Variants in HPS4 observed in about 807,000 individuals in gnomAD.
HPS4 encodes the protein BLOC-3 complex member HPS4.
A neutral mutation model predicts 70.3 loss-of-function variants in HPS4; 44 were observed. That is an observed-to-expected ratio of 0.63 (90% confidence interval 0.49 to 0.80). HPS4 has a LOEUF of 0.80. Ranked by LOEUF, HPS4 falls within the 30% of genes least tolerant of loss-of-function variation. HPS4 has a pLI of 0.00. For synonymous variants in HPS4, 377 were observed against 355.9 expected, an observed-to-expected ratio of 1.06 and a Z score of -0.67; for missense variants, 873 against 884.4, an observed-to-expected ratio of 0.99 and a Z score of 0.16.
downstream of HPS4, among the ~76,000 whole-genome samples, chr22:26,449,323 ATTTT>A (rs35895945): frequency 0.026 from 2,183 of 83,226 alleles, 11 homozygotes; most frequent in Middle Eastern, 0.098. Flanking sequence ...ACTCCCCTGC[ATTTT>A]TTTTTTTTTT....
At position 26,477,014 on chromosome 22, in the gene HPS4, T is replaced by G. The variant is rs2090639512; in HGVS notation, c.255A>C (p.Lys85Asn). 1.9e-6 allele frequency: 3 copies of G among 1,614,058 alleles called. No homozygotes were observed. The highest frequency in any genetic ancestry group is 2.5e-6 in the Non-Finnish European group (3 of 1,180,016). ...VRLRKLKFAIKVDGDYLWVLG... is the reference protein window; with the variant it reads ...VRLRKLKFAINVDGDYLWVLG... ...TTACCCAAAGGTAATCTCCATCAAC[T>G]TTTATGGCAAACTTCAGTTTTCTCA... Residue 85 changes from lysine (K) to asparagine (N), a missense_variant, in exon 4 of 14, where the codon AAA (lysine) becomes AAC (asparagine). Physicochemically the swap from Lys to Asn is moderately conservative, Grantham distance 94. Transcript: ENST00000398145.
At chr22:26,446,027 G>A (rs1047720074), downstream of HPS4, among the ~76,000 whole-genome samples, 11 of 152,186 alleles carry the variant, frequency 7.2e-5, no homozygotes, top group Non-Finnish European at 1.2e-4. Flanking sequence ...AGGGAAGAGC[G>A]CCACTCACCT....
chr22:26,461,650 G>A (rs777797871), intron 11 of HPS4, among the ~76,000 whole-genome samples: 9 of 152,146 alleles, frequency 5.9e-5, no homozygotes, highest in Non-Finnish European at 8.8e-5. Flanking sequence ...GGGGTATTTG[G>A]TTTTTCTAGA....
At chr22:26,466,696 G>A (rs2088690290) in intron 8 of HPS4, 3 of 245,342 alleles carry the variant, frequency 1.2e-5, no homozygotes, top group Non-Finnish European at 2.5e-5. Flanking sequence ...TGACTCTCAC[G>A]ATAAAGGATT....
At chr22:26,448,225 C>G (rs1373587200), downstream of HPS4, among the ~76,000 whole-genome samples, 4 of 152,222 alleles carry the variant, frequency 2.6e-5, no homozygotes, top group Non-Finnish European at 5.9e-5. Context: ...TCAGAACACT[C>G]AACAGGACCC....
chr22:26,453,052 C>T lies in HPS4; in HGVS notation c.*181G>A. 1.5e-6 allele frequency: 1 copy of T among 666,774 alleles called. No individual in the cohort carries two copies. The highest frequency in any genetic ancestry group is 2.6e-6 in the Non-Finnish European group (1 of 390,164). The allele number at this position is 666,774 out of a possible 1,614,324, so 41.3% of individuals were successfully genotyped here. On this transcript the variant is annotated 3_prime_UTR_variant, in exon 14 of 14. Transcript: ENST00000398145. ...GCTCTGGGTCTGCCGACCTGAAGAA[C>T]TAACCCCTGCCCCCAAAACACATCC...
chr22:26,453,484 T>C, intron 13 of HPS4, 80 bp from the exon 14 acceptor site: 1 of 1,504,794 alleles, frequency 6.6e-7, no homozygotes, highest in Non-Finnish European at 9.2e-7. Context: ...AGTAAGGTTC[T>C]TGTCACAGAG....
At chr22:26,443,657 G>C (rs2084877513), downstream of HPS4, 1 of 151,496 alleles carries the variant, frequency 6.6e-6, no homozygotes, top group African/African-American at 2.4e-5. Flanking sequence ...GCAAACCAGA[G>C]AGCTAGAGAA....
intron 4 of HPS4, chr22:26,476,685 A>C (rs555788892): frequency 8.4e-6 from 3 of 358,322 alleles, no homozygotes; most frequent in African/African-American, 6.3e-5. Flanking sequence ...AGCATGGAGA[A>C]GAAAAGATGA....
Position 26,455,476 on chromosome 22 carries a change from G to GC in HPS4, c.1956-2073dup, listed in dbSNP as rs1329161490. Among the ~76,000 whole-genome samples, 3 of 150,240 alleles carry GC rather than the reference G, an allele frequency of 2.0e-5. No individual in the cohort carries two copies. The East Asian group carries it at 5.9e-4, about 30-fold the overall frequency. On this transcript the variant is annotated intron_variant, in intron 13 of 13. Coordinates refer to ENST00000398145, the MANE Select transcript of HPS4 (RefSeq NM_022081.6). ...AAACCATCATTCTCAGCAAACTATT[G>GC]CAAGGACAAAAAACCAAACACCACA...
At chr22:26,443,153 G>A (rs556033981), downstream of HPS4, 12 of 1,614,142 alleles carry the variant, frequency 7.4e-6, no homozygotes, top group Middle Eastern at 1.6e-4. Context: ...GCATCCAAAC[G>A]TCGCAGCGGC....
At chr22:26,461,924 C>T (rs1037115556) in intron 11 of HPS4, among the ~76,000 whole-genome samples, 3 of 152,108 alleles carry the variant, frequency 2.0e-5, no homozygotes, top group African/African-American at 7.2e-5. Context: ...GTCAGGAGTT[C>T]GAGACCAGCC....
intron 11 of HPS4, 142 bp downstream of exon 11, chr22:26,463,775 A>G: frequency 1.1e-6 from 1 of 885,270 alleles, no homozygotes; most frequent in Non-Finnish European, 1.8e-6. Context: ...TCCATCGTCT[A>G]AACAAGAACG....
chr22:26,463,394 C>A (rs929988945), intron 11 of HPS4, among the ~76,000 whole-genome samples: 1 of 152,222 alleles, frequency 6.6e-6, no homozygotes, highest in South Asian at 2.1e-4. Context: ...CCAGCTGACA[C>A]AGAACCTAGA....
Position 26,481,833 on chromosome 22 carries a change from G to A in HPS4, c.-71C>T, listed in dbSNP as rs578089748. On this transcript the variant is annotated 5_prime_UTR_variant, in exon 2 of 14. Transcript: ENST00000398145. Reference sequence around the variant, plus strand: ...CGGTATCACTTCTTTCTCCCTAGCTGTGACCGTTCCTCTATCCCCCAATCC... The same window carrying A: ...CGGTATCACTTCTTTCTCCCTAGCTATGACCGTTCCTCTATCCCCCAATCC... 1.7e-5 allele frequency: 25 copies of A among 1,461,856 alleles called. No homozygotes were observed. The African/African-American group carries it at 2.6e-4, about 15-fold the overall frequency. The allele number at this position is 1,461,856 out of a possible 1,614,324, so 90.6% of individuals were successfully genotyped here.
chr22:26,470,023 A>G (rs954762750), intron 7 of HPS4, among the ~76,000 whole-genome samples: 4 of 152,274 alleles, frequency 2.6e-5, no homozygotes, highest in African/African-American at 9.6e-5. Context: ...GTCTGGCCCA[A>G]GGGCCCCTGC....
chr22:26,471,118 A>T, intron 6 of HPS4: 1 of 465,488 alleles, frequency 2.1e-6, no homozygotes, highest in Non-Finnish European at 4.0e-6. Context: ...TGGGAGACCG[A>T]CTGTCTACCC....
chr22:26,453,585 C>G, intron 13 of HPS4, 181 bp from the exon 14 acceptor site: 1 of 671,632 alleles, frequency 1.5e-6, no homozygotes. Context: ...CCAATACCAT[C>G]TTTCCTTCCT....
chr22:26,452,119 T>C lies in HPS4; in HGVS notation c.*1114A>G. ...AGAACTCCAGCATTTTTTGGCTATTTTATTTCTAGCCCTTGGAAGCTTGTT... is the reference window on the plus strand; with the variant it reads ...AGAACTCCAGCATTTTTTGGCTATTCTATTTCTAGCCCTTGGAAGCTTGTT... On this transcript the variant is annotated 3_prime_UTR_variant, in exon 14 of 14. Coordinates refer to ENST00000398145, the MANE Select transcript of HPS4 (RefSeq NM_022081.6). 1 of 342,864 alleles carries C rather than the reference T, an allele frequency of 2.9e-6. No individual in the cohort carries two copies. The highest frequency in any genetic ancestry group is 5.7e-6 in the Non-Finnish European group (1 of 175,586). The allele number at this position is 342,864 out of a possible 1,614,324, so 21.2% of individuals were successfully genotyped here. A position where few individuals can be genotyped will look rare whatever the true frequency, so the allele number is the denominator to read the frequency against.
Sources: allele counts gnomAD v4.1 joint callset (sites outside exome capture counted in the v4.1 genomes callset), GRCh38; gene constraint gnomAD v4.1.1; transcripts MANE v1.5; gene names NCBI Gene and HGNC (gene_info 2026-07-23, HGNC 2026-07-21).